Variants in ITGA9 observed in about 807,000 individuals in gnomAD.
The protein encoded by ITGA9 is integrin subunit alpha 9, also known as integrin alpha-9.
A neutral mutation model predicts 127.8 loss-of-function variants in ITGA9; 56 were observed. That is an observed-to-expected ratio of 0.44 (90% confidence interval 0.35 to 0.55). The LOEUF (loss-of-function observed/expected upper bound fraction) is 0.55, where lower values mean the gene tolerates loss of function less well. Among genes scored for constraint, ITGA9 ranks in the 20% least tolerant of loss-of-function variants. The pLI, the probability that ITGA9 is intolerant of heterozygous loss-of-function variation, is 0.00. For synonymous variants in ITGA9, 508 were observed against 514.5 expected, an observed-to-expected ratio of 0.99 and a Z score of 0.17; for missense variants, 1,196 against 1,347.1, an observed-to-expected ratio of 0.89 and a Z score of 1.76.
chr3:37,787,935 C>G (rs1356482942), intron 26 of ITGA9, among the ~76,000 whole-genome samples: 1 of 152,176 alleles, frequency 6.6e-6, no homozygotes, highest in Non-Finnish European at 1.5e-5. Flanking sequence ...ATGGAGAAAT[C>G]AAGCAATTTT....
chr3:37,642,516 A>T (rs113279309), intron 16 of ITGA9, among the ~76,000 whole-genome samples: 52 of 152,358 alleles, frequency 3.4e-4, no homozygotes, highest in African/African-American at 1.2e-3. Flanking sequence ...TCACTAGCAG[A>T]TTCAGCAGAG....
chr3:37,576,129 G>A (rs1699652122), intron 15 of ITGA9, among the ~76,000 whole-genome samples: 1 of 152,136 alleles, frequency 6.6e-6, no homozygotes, highest in Non-Finnish European at 1.5e-5. Context: ...AGAGACACAG[G>A]GGTAAACAGG....
Position 37,453,115 on chromosome 3 carries a change from GCCC to G in ITGA9, c.185+569_185+571del, listed in dbSNP as rs33973256. Among the ~76,000 whole-genome samples the G allele has an allele frequency of 1.1e-3, 159 of 142,078 alleles. 1 individual carries two copies. The highest frequency in any genetic ancestry group is 2.9e-3 in the African/African-American group (109 of 37,760). The allele number at this position is 142,078 out of a possible 152,430, so 93.2% of individuals were successfully genotyped here. On this transcript the variant is annotated intron_variant, in intron 1 of 27. Transcript: ENST00000264741. ...GCGCACTGGAGCCCAGAGCCCCGGC[GCCC>G]CCCCCCCCCCCCAGCTCCTACAAGA...
chr3:37,615,257 C>G (rs1700062899), intron 15 of ITGA9, among the ~76,000 whole-genome samples: 1 of 152,096 alleles, frequency 6.6e-6, no homozygotes, highest in Non-Finnish European at 1.5e-5. Context: ...TGTTTATATG[C>G]TGGATTATGT....
chr3:37,654,495 A>T (rs1489070765), intron 17 of ITGA9, among the ~76,000 whole-genome samples: 1 of 152,148 alleles, frequency 6.6e-6, no homozygotes, highest in Non-Finnish European at 1.5e-5. Context: ...TCCTTTTGAA[A>T]CAGTTCCTTC....
At chr3:37,510,271 CG>C (rs1553643030) in intron 8 of ITGA9, among the ~76,000 whole-genome samples, 1 of 151,970 alleles carries the variant, frequency 6.6e-6, no homozygotes, top group Non-Finnish European at 1.5e-5. Flanking sequence ...TCCCAGAGTG[CG>C]GGATGATAGG....
intron 13 of ITGA9, among the ~76,000 whole-genome samples, chr3:37,532,635 G>A (rs60354613): frequency 0.55 from 83,017 of 151,350 alleles, 23,284 homozygotes; most frequent in East Asian, 0.76. Flanking sequence ...GCCCACAGGT[G>A]CTGTCCATTC....
chr3:37,595,692 G>A (rs1699862808), intron 15 of ITGA9, among the ~76,000 whole-genome samples: 2 of 152,170 alleles, frequency 1.3e-5, no homozygotes, highest in Admixed American at 1.3e-4. Flanking sequence ...TCCCGGCGTG[G>A]TGTTTGGGTT....
At chr3:37,726,293 ACAGT>A (rs1559579764) in intron 18 of ITGA9, among the ~76,000 whole-genome samples, 2 of 152,230 alleles carry the variant, frequency 1.3e-5, no homozygotes, top group African/African-American at 4.8e-5. Flanking sequence ...TGCCAGACTG[ACAGT>A]CAGATATGGA....
intron 23 of ITGA9, among the ~76,000 whole-genome samples, chr3:37,769,638 C>T (rs1696820147): frequency 6.6e-6 from 1 of 152,174 alleles, no homozygotes; most frequent in South Asian, 2.1e-4. Context: ...CTCTAGACTC[C>T]AGTCTCAAGT....
intron 23 of ITGA9, among the ~76,000 whole-genome samples, chr3:37,771,374 C>G (rs1696841960): frequency 6.6e-6 from 1 of 152,112 alleles, no homozygotes; most frequent in African/African-American, 2.4e-5. Flanking sequence ...TAAGGTAGTC[C>G]CCTGCTGTAA....
chr3:37,676,872 A>G (rs531459094), intron 17 of ITGA9, among the ~76,000 whole-genome samples: 1 of 152,132 alleles, frequency 6.6e-6, no homozygotes, highest in African/African-American at 2.4e-5. Context: ...GCCCACCTTC[A>G]TCCTCTGATC....
intron 17 of ITGA9, among the ~76,000 whole-genome samples, chr3:37,674,082 G>C (rs777834524): frequency 3.9e-4 from 60 of 152,148 alleles, no homozygotes; most frequent in Non-Finnish European, 1.3e-4. Context: ...TGATGTTGGC[G>C]GCATTATTCT....
intron 17 of ITGA9, among the ~76,000 whole-genome samples, chr3:37,661,320 C>T (rs1199931158): frequency 2.6e-5 from 4 of 152,148 alleles, no homozygotes; most frequent in African/African-American, 7.2e-5. Flanking sequence ...AAGCTCTCAG[C>T]CTCTTAGGTT....
intron 17 of ITGA9, among the ~76,000 whole-genome samples, chr3:37,662,657 A>G (rs994635446): frequency 3.3e-5 from 5 of 152,090 alleles, no homozygotes; most frequent in Non-Finnish European, 5.9e-5. Flanking sequence ...TGTTGTGCTG[A>G]TTTCCACCAT....
chr3:37,693,635 G>T (rs1205902794), intron 18 of ITGA9, among the ~76,000 whole-genome samples: 1 of 152,186 alleles, frequency 6.6e-6, no homozygotes, highest in Non-Finnish European at 1.5e-5. Flanking sequence ...TTATGTGTTT[G>T]TATACCTTTA....
At chr3:37,518,485 T>A (rs1418191113) in intron 10 of ITGA9, among the ~76,000 whole-genome samples, 1 of 152,188 alleles carries the variant, frequency 6.6e-6, no homozygotes, top group East Asian at 1.9e-4. Flanking sequence ...GTGAGAGTAA[T>A]GTTATTTCTT....
chr3:37,526,257 A>C (rs1251085948), intron 13 of ITGA9, among the ~76,000 whole-genome samples, 186 bp downstream of exon 13: 1 of 152,128 alleles, frequency 6.6e-6, no homozygotes, highest in Non-Finnish European at 1.5e-5. Context: ...TGTGGCCTTG[A>C]ATGGCTTGCA....
intron 14 of ITGA9, among the ~76,000 whole-genome samples, chr3:37,536,281 T>A (rs1699207563): frequency 6.6e-6 from 1 of 152,242 alleles, no homozygotes; most frequent in Admixed American, 6.5e-5. Context: ...ATGTGGATGA[T>A]GACTTTGTCC....
Sources: allele counts gnomAD v4.1 joint callset (sites outside exome capture counted in the v4.1 genomes callset), GRCh38; gene constraint gnomAD v4.1.1; transcripts MANE v1.5; gene names NCBI Gene and HGNC (gene_info 2026-07-23, HGNC 2026-07-21).